AK7: variants seen among roughly 807,000 people sequenced by gnomAD.
AK7 encodes ATP-AMP transphosphorylase 7.
A neutral mutation model predicts 96.6 loss-of-function variants in AK7; 78 were observed. The observed-to-expected ratio is 0.81, with a 90% CI of 0.67 to 0.97. The LOEUF (loss-of-function observed/expected upper bound fraction) is 0.97. Among genes scored for constraint, AK7 ranks in the 50% least tolerant of loss-of-function variants. The pLI is 0.00. For synonymous variants in AK7, 302 were observed against 317.2 expected (o/e 0.95, Z 0.51); for missense variants, 855 against 887.9 (o/e 0.96, Z 0.47).
rs189539499 is a variant in AK7, at chr14:96,484,353, C to G, written c.1974+1134C>G. 2.0e-3 allele frequency among the ~76,000 whole-genome samples: 309 copies of G among 152,324 alleles called. 3 individuals are homozygous for G. The highest frequency in any genetic ancestry group is 1.2e-3 in the Non-Finnish European group (85 of 68,028). On this transcript the variant is annotated intron_variant, in intron 16 of 17. Transcript: ENST00000267584. ...GAATTACGCAGTGTCTTCTCACTGT[C>G]CTCCCCAACTCCACCCTGCTCCATC...
In AK7 at chr14:96,483,140, G is replaced by A. The variant is rs1895593388; in HGVS notation, c.1895G>A (p.Arg632Lys). 6.2e-7 allele frequency: 1 copy of A among 1,613,960 alleles called. No homozygotes were observed. Among genetic ancestry groups the A allele is most frequent in the East Asian group, 2.2e-5 (1 of 44,884 alleles). ...ERKAAEERLA[R>K]EAAEEAEREH... ...AAGGCTGCGGAGGAGCGGCTGGCCA[G>A]GGAGGCTGCTGAGGAAGCAGAACGC... The change falls in exon 16 of 18, where the codon AGG (arginine) becomes AAG (lysine). Residue 632 changes from arginine (R) to lysine (K), a missense_variant. Transcript: ENST00000267584.
chr14:96,402,400 C>G (rs1890467994), intron 2 of AK7, among the ~76,000 whole-genome samples: 1 of 152,186 alleles, frequency 6.6e-6, no homozygotes, highest in Non-Finnish European at 1.5e-5. Flanking sequence ...TAGAGCCAAC[C>G]ATAATTTGAC....
chr14:96,437,547 T>G (rs2140082737), intron 5 of AK7, among the ~76,000 whole-genome samples: 1 of 152,182 alleles, frequency 6.6e-6, no homozygotes, highest in East Asian at 1.9e-4. Flanking sequence ...CTTTTCCCCC[T>G]CAGTGCCGAG....
At chr14:96,468,950 G>A (rs764504797) in intron 12 of AK7, among the ~76,000 whole-genome samples, 13 of 152,032 alleles carry the variant, frequency 8.6e-5, no homozygotes, top group Non-Finnish European at 1.8e-4. Context: ...CCTGGCCAAA[G>A]GTCATGAGAT....
intron 9 of AK7, 51 bp downstream of exon 9, chr14:96,449,930 G>A: frequency 2.3e-6 from 3 of 1,318,316 alleles, no homozygotes; most frequent in Non-Finnish European, 3.2e-6. Flanking sequence ...TCAATAATAT[G>A]GAGTATTGTT....
chr14:96,442,601 C>A (rs941337844), intron 6 of AK7, 129 bp from the exon 7 acceptor site: 8 of 752,886 alleles, frequency 1.1e-5, no homozygotes, highest in Middle Eastern at 2.4e-4. Context: ...TTATAAAACA[C>A]CCCCTAGAGG....
intron 5 of AK7, among the ~76,000 whole-genome samples, chr14:96,428,713 GTGA>G (rs1892173583): frequency 6.6e-6 from 1 of 152,178 alleles, no homozygotes; most frequent in African/African-American, 2.4e-5. Context: ...CTGATGGCCA[GTGA>G]TGATGAGCAT....
chr14:96,488,576 C>A lies in AK7; in HGVS notation c.*233C>A, dbSNP rs987425294. The A allele has an allele frequency of 5.7e-5, 24 of 421,966 alleles. No individual in the cohort carries two copies. The highest frequency in any genetic ancestry group is 8.1e-5 in the Non-Finnish European group (19 of 233,834). The allele number at this position is 421,966 out of a possible 1,614,324, so 26.1% of individuals were successfully genotyped here. A position where few individuals can be genotyped will look rare whatever the true frequency, so the allele number is the denominator to read the frequency against. ...TTGTGCATAGCTCATGAGACAAATA[C>A]TGATTTAATATTTTATTCTTTAGTC... is the stretch of plus-strand genomic sequence containing the variant. On this transcript the variant is annotated 3_prime_UTR_variant, in exon 18 of 18. Transcript: ENST00000267584.
chr14:96,409,537 A>C (rs1419050581), intron 4 of AK7, among the ~76,000 whole-genome samples: 3 of 152,218 alleles, frequency 2.0e-5, no homozygotes, highest in South Asian at 4.1e-4. Context: ...GCACCACTGC[A>C]CTCCAGCCTG....
At chr14:96,429,697 C>T (rs547237696) in intron 5 of AK7, among the ~76,000 whole-genome samples, 1 of 152,120 alleles carries the variant, frequency 6.6e-6, no homozygotes, top group East Asian at 1.9e-4. Context: ...AAGTTGGATT[C>T]CTAGGTATTT....
intron 15 of AK7, among the ~76,000 whole-genome samples, chr14:96,479,677 G>A (rs1184128047): frequency 1.3e-5 from 2 of 152,142 alleles, no homozygotes; most frequent in South Asian, 4.1e-4. Context: ...TATCATTCCT[G>A]GCTCCAGTTC....
chr14:96,456,519 G>A (rs781654580), intron 11 of AK7, 44 bp downstream of exon 11: 19 of 1,595,092 alleles, frequency 1.2e-5, no homozygotes, highest in East Asian at 6.7e-5. Context: ...ATTAATTACT[G>A]TATTGTTCTT....
At chr14:96,423,748 C>G (rs1478583637) in intron 5 of AK7, 2 of 724,672 alleles carry the variant, frequency 2.8e-6, no homozygotes, top group African/African-American at 3.5e-5. Context: ...CCCACTCGGC[C>G]TGGTAACACG....
At chr14:96,485,294 GGGCTGTGTGACTT>G (rs1895707905) in intron 16 of AK7, among the ~76,000 whole-genome samples, 12 of 152,064 alleles carry the variant, frequency 7.9e-5, no homozygotes, top group Admixed American at 7.9e-4. Context: ...GCCCCTGTTT[GGGCTGTGTGACTT>G]TTTCTTATTA....
intron 4 of AK7, among the ~76,000 whole-genome samples, chr14:96,415,716 A>G (rs1384934471): frequency 1.6e-5 from 2 of 127,300 alleles, no homozygotes; most frequent in Non-Finnish European, 3.4e-5. Flanking sequence ...ATATTAATTT[A>G]TTATTAATAA....
intron 10 of AK7, 102 bp from the exon 11 acceptor site, chr14:96,456,238 CAAAAAAA>C (rs56356389): frequency 6.2e-3 from 2,437 of 396,124 alleles, no homozygotes; most frequent in South Asian, 8.3e-3. Flanking sequence ...GACTCTGTCT[CAAAAAAA>C]AAAAAAAAAA....
At chr14:96,408,087 A>C (rs1446901061) in intron 3 of AK7, among the ~76,000 whole-genome samples, 1 of 152,210 alleles carries the variant, frequency 6.6e-6, no homozygotes, top group Non-Finnish European at 1.5e-5. Context: ...TTTCTGCCTT[A>C]TCAGTGCTCT....
At position 96,421,014 on chromosome 14, in the gene AK7, G is replaced by C. The variant is rs184992542; in HGVS notation, c.609+82G>C. 1,163 of 959,854 alleles carry C rather than the reference G, an allele frequency of 1.2e-3. 12 individuals carry two copies. The highest frequency in any genetic ancestry group is 6.9e-4 in the Non-Finnish European group (433 of 624,964). The allele number at this position is 959,854 out of a possible 1,614,324, so 59.5% of individuals were successfully genotyped here. ...TGTGGTTTCCTGAGACTTACCCCAC[G>C]GATGTCTGAGCTTTAGGCTCACCCC... is the stretch of plus-strand genomic sequence containing the variant. On this transcript the variant is annotated intron_variant, in intron 5 of 17. Transcript: ENST00000267584.
At chr14:96,481,359 C>T (rs1895493093) in intron 15 of AK7, among the ~76,000 whole-genome samples, 2 of 152,020 alleles carry the variant, frequency 1.3e-5, no homozygotes, top group South Asian at 4.2e-4. Flanking sequence ...TTTATTTATT[C>T]TTTTTGAGAC....
Sources: allele counts gnomAD v4.1 joint callset (sites outside exome capture counted in the v4.1 genomes callset), GRCh38; gene constraint gnomAD v4.1.1; transcripts MANE v1.5; gene names NCBI Gene and HGNC (gene_info 2026-07-23, HGNC 2026-07-21).